The following BRINP3 variants were observed in gnomAD, a reference collection of about 807,000 sequenced individuals.
BRINP3 encodes the protein BMP/retinoic acid inducible neural specific 3, also known as BMP/retinoic acid-inducible neural-specific protein 3.
BRINP3 carries 19 observed loss-of-function variants against 71.0 expected under a neutral mutation model. That is an observed-to-expected ratio of 0.27 (90% confidence interval 0.19 to 0.39). BRINP3 has a LOEUF of 0.39. Among genes scored for constraint, BRINP3 ranks in the 10% least tolerant of loss-of-function variants. The probability of loss-of-function intolerance (pLI) is 1.00; values close to 1 mark genes in which losing one functional copy is unlikely to be tolerated. For synonymous variants in BRINP3, 380 were observed against 337.7 expected (o/e 1.13, Z -1.37); for missense variants, 959 against 940.8 (o/e 1.02, Z -0.25).
chr1:190,450,139 T>C (rs1675507289), intron 2 of BRINP3, among the ~76,000 whole-genome samples: 1 of 152,146 alleles, frequency 6.6e-6, no homozygotes, highest in Non-Finnish European at 1.5e-5. Context: ...GAGATCATTT[T>C]TCTGTGGCTA....
chr1:190,310,252 T>A (rs1405291057), intron 2 of BRINP3, among the ~76,000 whole-genome samples: 1 of 151,696 alleles, frequency 6.6e-6, no homozygotes, highest in African/African-American at 2.4e-5. Flanking sequence ...TGAAAAATGT[T>A]CTGCACTTTC....
chr1:190,113,731 A>G (rs1652885744), intron 7 of BRINP3, among the ~76,000 whole-genome samples: 1 of 152,192 alleles, frequency 6.6e-6, no homozygotes, highest in African/African-American at 2.4e-5. Context: ...AAAACCAGGG[A>G]GCATATTTCT....
Position 190,160,627 on chromosome 1 carries a change from G to A in BRINP3, c.1184+41C>T, listed in dbSNP as rs12079649. ...AAAAATAAATAGAACTCACTTTTTCGGCAATAAACTTAATTGCTTACATTA... is the reference window on the plus strand; with the variant it reads ...AAAAATAAATAGAACTCACTTTTTCAGCAATAAACTTAATTGCTTACATTA... On this transcript the variant is annotated intron_variant, in intron 7 of 7. Coordinates refer to ENST00000367462, the MANE Select transcript of BRINP3 (RefSeq NM_199051.3). The A allele has an allele frequency of 3.0e-3, 4,542 of 1,534,668 alleles. 100 individuals are homozygous for A. The African/African-American group carries it at 0.054, about 18-fold the overall frequency.
At chr1:190,178,729 G>GCT (rs1652775662) in intron 6 of BRINP3, among the ~76,000 whole-genome samples, 1 of 151,890 alleles carries the variant, frequency 6.6e-6, no homozygotes, top group South Asian at 2.1e-4. Context: ...AAATATACAG[G>GCT]CAACCACTAT....
intron 2 of BRINP3, among the ~76,000 whole-genome samples, chr1:190,415,117 G>A (rs988514090): frequency 2.6e-5 from 4 of 152,144 alleles, no homozygotes; most frequent in African/African-American, 7.2e-5. Flanking sequence ...TTGTGATAAA[G>A]AGAACCCTGC....
chr1:190,362,827 C>T (rs899665693), intron 2 of BRINP3, among the ~76,000 whole-genome samples: 8 of 152,116 alleles, frequency 5.3e-5, no homozygotes, highest in South Asian at 4.1e-4. Flanking sequence ...TACCCAGCCA[C>T]GTGGAACTGT....
In BRINP3 at chr1:190,428,780, A is replaced by G. The variant is rs907093042; in HGVS notation, c.236+25875T>C. Among the ~76,000 whole-genome samples the G allele has an allele frequency of 1.3e-4, 20 of 152,086 alleles. 1 individual carries two copies. Among genetic ancestry groups the G allele is most frequent in the Admixed American group, 4.6e-4 (7 of 15,240 alleles). ...TAAAATATCACATGGTATTCCATAA[A>G]TATGTACAATGATTATGGGTCAACT... On this transcript the variant is annotated intron_variant, in intron 2 of 7. Coordinates refer to ENST00000367462, the MANE Select transcript of BRINP3 (RefSeq NM_199051.3).
At chr1:190,314,232 A>G (rs1405507548) in intron 2 of BRINP3, among the ~76,000 whole-genome samples, 2 of 152,106 alleles carry the variant, frequency 1.3e-5, no homozygotes, top group African/African-American at 2.4e-5. Context: ...CTTTGGAAAC[A>G]TATTGGAAAA....
chr1:190,138,892 C>T (rs1027067223), intron 7 of BRINP3, among the ~76,000 whole-genome samples: 2 of 152,118 alleles, frequency 1.3e-5, no homozygotes, highest in African/African-American at 4.8e-5. Context: ...AGATCATATA[C>T]ATCTCAATGG....
Position 190,412,414 on chromosome 1 carries a change from T to TATAC in BRINP3, c.236+42240_236+42241insGTAT, listed in dbSNP as rs1553314831. On this transcript the variant is annotated intron_variant, in intron 2 of 7. Transcript: ENST00000367462. ...TATATATTATATATATATATATATA[T>TATAC]ACACTTTTTTTTACTATGTAGTACT... Among the ~76,000 whole-genome samples the TATAC allele has an allele frequency of 1.5e-3, 217 of 141,264 alleles. 1 individual carries two copies. Among genetic ancestry groups the TATAC allele is most frequent in the South Asian group, 3.8e-3 (17 of 4,510 alleles). The allele number at this position is 141,264 out of a possible 152,430, so 92.7% of individuals were successfully genotyped here.
At chr1:190,386,417 T>A (rs957796133) in intron 2 of BRINP3, among the ~76,000 whole-genome samples, 4 of 151,552 alleles carry the variant, frequency 2.6e-5, no homozygotes, top group South Asian at 2.1e-4. Flanking sequence ...TACCAGATTT[T>A]AAAAAAATGT....
chr1:190,379,913 T>G (rs1571904468), intron 2 of BRINP3, among the ~76,000 whole-genome samples: 1 of 143,982 alleles, frequency 6.9e-6, no homozygotes, highest in African/African-American at 2.6e-5. Flanking sequence ...GCAGGAGAAT[T>G]GCTTGAACCC....
intron 7 of BRINP3, among the ~76,000 whole-genome samples, chr1:190,139,425 C>T (rs1235270142): frequency 6.5e-5 from 9 of 139,294 alleles, no homozygotes; most frequent in Non-Finnish European, 1.1e-4. Context: ...GCACTCCAGC[C>T]TGGGTGATAG....
At chr1:190,140,752 A>C (rs1306901776) in intron 7 of BRINP3, among the ~76,000 whole-genome samples, 1 of 152,296 alleles carries the variant, frequency 6.6e-6, no homozygotes, top group South Asian at 2.1e-4. Flanking sequence ...AGGATACCAA[A>C]ATTAGCATTC....
intron 2 of BRINP3, among the ~76,000 whole-genome samples, chr1:190,327,993 C>G (rs560867178): frequency 6.6e-6 from 1 of 152,188 alleles, no homozygotes; most frequent in South Asian, 2.1e-4. Context: ...AAGAAGATAT[C>G]TCGAAACCAC....
chr1:190,112,200 A>G (rs1459859957), intron 7 of BRINP3, among the ~76,000 whole-genome samples: 1 of 152,210 alleles, frequency 6.6e-6, no homozygotes, highest in Non-Finnish European at 1.5e-5. Flanking sequence ...CTGGTTATAC[A>G]TGAAAGCTTT....
intron 7 of BRINP3, among the ~76,000 whole-genome samples, chr1:190,118,486 C>T (rs1033323845): frequency 2.0e-5 from 3 of 152,106 alleles, no homozygotes; most frequent in Non-Finnish European, 2.9e-5. Context: ...TTCTAAACAT[C>T]TCGCCTTTAT....
chr1:190,464,903 A>C (rs1179698408), intron 1 of BRINP3, among the ~76,000 whole-genome samples: 2 of 151,982 alleles, frequency 1.3e-5, no homozygotes, highest in African/African-American at 4.8e-5. Flanking sequence ...TTTGTTTTCC[A>C]ACTTAATGAG....
At chr1:190,459,311 A>G (rs1676226655) in intron 1 of BRINP3, among the ~76,000 whole-genome samples, 1 of 151,792 alleles carries the variant, frequency 6.6e-6, no homozygotes, top group Non-Finnish European at 1.5e-5. Context: ...TGTGTATAAT[A>G]TATAGTCTAA....
Sources: gnomAD v4.1 joint callset for allele counts (sites outside exome capture counted in the v4.1 genomes callset) on GRCh38, gnomAD v4.1.1 for gene constraint, MANE v1.5 for transcripts, NCBI Gene and HGNC (gene_info 2026-07-23, HGNC 2026-07-21) for gene names.